GPR149: variants seen among roughly 807,000 people sequenced by gnomAD.
GPR149 encodes the protein G protein-coupled receptor 149.
GPR149 carries 50 observed loss-of-function variants against 50.2 expected under a neutral mutation model. The observed-to-expected ratio is 1.00, with a 90% CI of 0.79 to 1.26. GPR149 has a LOEUF of 1.26. Among genes scored for constraint, GPR149 ranks in the 50% most tolerant of loss-of-function variants. The pLI is 0.00. For missense variants in GPR149, 983 were observed against 895.4 expected (o/e 1.10, Z -1.25); for synonymous variants, 405 against 358.2 (o/e 1.13, Z -1.48).
rs539035564 is a variant in GPR149 at position 154,367,403 on chromosome 3, C to T, written c.1624-29132G>A. 2.5e-3 allele frequency among the ~76,000 whole-genome samples: 381 copies of T among 151,918 alleles called. 1 individual carries two copies. The highest frequency in any genetic ancestry group is 7.9e-3 in the South Asian group (38 of 4,794). ...CTGTGATCAGCAGACCTTATCTATG[C>T]TTCCAATTCCAATTCCTTGTAAACA... On this transcript the variant is annotated intron_variant, in intron 3 of 3. Transcript: ENST00000389740.
chr3:154,402,415 C>CAAATAAATAAATAAATAAATAAAT (rs34746134), intron 3 of GPR149, among the ~76,000 whole-genome samples: 72 of 140,892 alleles, frequency 5.1e-4, no homozygotes, highest in East Asian at 1.1e-3. Flanking sequence ...GACCCTGTCT[C>CAAATAAATAAATAAATAAATAAAT]AAATAAATAA....
At chr3:154,348,464 T>A (rs1366429590) in intron 3 of GPR149, among the ~76,000 whole-genome samples, 1 of 152,196 alleles carries the variant, frequency 6.6e-6, no homozygotes, top group African/African-American at 2.4e-5. Context: ...TATAGTGATA[T>A]CACATAAAAT....
chr3:154,368,747 T>A (rs560380294), intron 3 of GPR149, among the ~76,000 whole-genome samples: 73 of 152,346 alleles, frequency 4.8e-4, no homozygotes, highest in African/African-American at 1.7e-3. Context: ...CTCTCAGCCC[T>A]GGCCTAGAAG....
chr3:154,423,143 G>T (rs1480436979), intron 2 of GPR149, among the ~76,000 whole-genome samples: 2 of 151,802 alleles, frequency 1.3e-5, no homozygotes, highest in African/African-American at 2.4e-5. Flanking sequence ...AAGGGACAAG[G>T]GGCAGTGTGA....
chr3:154,421,402 A>T lies in GPR149; in HGVS notation c.1260T>A (p.Asp420Glu). Residue 420 changes from aspartate to glutamate, a missense_variant, in exon 3 of 4, where the codon GAT (aspartate) becomes GAA (glutamate). By Grantham distance (45) the Asp-to-Glu change is conservative. Coordinates refer to ENST00000389740, the MANE Select transcript of GPR149 (RefSeq NM_001038705.3). ...TGTGATAGAATATGGAATTTTCATC[A>T]TCATCATAGTAATCTTCATGTGCTA... ...YKIAHEDYYD[D>E]DENSIFYHNL... 6.2e-7 allele frequency: 1 copy of T among 1,611,602 alleles called. No individual in the cohort carries two copies. The highest frequency in any genetic ancestry group is 8.5e-7 in the Non-Finnish European group (1 of 1,178,260).
intron 3 of GPR149, among the ~76,000 whole-genome samples, chr3:154,380,405 C>T (rs1714894936): frequency 6.6e-6 from 1 of 152,144 alleles, no homozygotes; most frequent in African/African-American, 2.4e-5. Context: ...CTCCTAATCC[C>T]CACTGTTGTC....
intron 3 of GPR149, among the ~76,000 whole-genome samples, chr3:154,343,735 G>A (rs1421933951): frequency 1.3e-5 from 2 of 152,084 alleles, no homozygotes; most frequent in East Asian, 1.9e-4. Context: ...TCAGCACTTT[G>A]GGAGACTGAA....
chr3:154,380,375 A>C (rs1254306527), intron 3 of GPR149, among the ~76,000 whole-genome samples: 1 of 152,128 alleles, frequency 6.6e-6, no homozygotes, highest in African/African-American at 2.4e-5. Flanking sequence ...TTTCTCTACT[A>C]TTTGAATTGA....
intron 2 of GPR149, among the ~76,000 whole-genome samples, chr3:154,424,460 T>C (rs545873132): frequency 6.6e-6 from 1 of 151,916 alleles, no homozygotes; most frequent in Admixed American, 6.6e-5. Flanking sequence ...CTTTATAATA[T>C]TGATTTATTT....
intron 3 of GPR149, among the ~76,000 whole-genome samples, chr3:154,371,340 C>A (rs933989856): frequency 2.3e-4 from 35 of 152,196 alleles, no homozygotes; most frequent in African/African-American, 8.2e-4. Flanking sequence ...AAGAACAATG[C>A]TTTCTCTCCT....
At chr3:154,355,300 A>T (rs1714192107) in intron 3 of GPR149, among the ~76,000 whole-genome samples, 1 of 152,236 alleles carries the variant, frequency 6.6e-6, no homozygotes, top group African/African-American at 2.4e-5. Context: ...TGCTGGGATT[A>T]TAGGTGTGAG....
intron 3 of GPR149, among the ~76,000 whole-genome samples, chr3:154,399,214 G>A (rs75914398): frequency 0.023 from 3,517 of 152,122 alleles, 60 homozygotes; most frequent in Middle Eastern, 0.044. Context: ...CCTATAGTAA[G>A]TACTTCTCCA....
chr3:154,361,792 C>A (rs1226640180), intron 3 of GPR149, among the ~76,000 whole-genome samples: 1 of 152,118 alleles, frequency 6.6e-6, no homozygotes, highest in Non-Finnish European at 1.5e-5. Context: ...CTGATTGAAC[C>A]TATTTGTTCT....
intron 3 of GPR149, among the ~76,000 whole-genome samples, chr3:154,355,917 T>C (rs1714211955): frequency 6.6e-6 from 1 of 152,232 alleles, no homozygotes; most frequent in Non-Finnish European, 1.5e-5. Context: ...TGTTAAAGTT[T>C]ACATTGATGA....
At chr3:154,343,090 C>T (rs1713838302) in intron 3 of GPR149, among the ~76,000 whole-genome samples, 1 of 152,112 alleles carries the variant, frequency 6.6e-6, no homozygotes, top group Admixed American at 6.6e-5. Context: ...AAAATAATTT[C>T]CATATATTGT....
At chr3:154,417,062 T>A (rs1371973365) in intron 3 of GPR149, among the ~76,000 whole-genome samples, 1 of 151,974 alleles carries the variant, frequency 6.6e-6, no homozygotes, top group Non-Finnish European at 1.5e-5. Context: ...CAGCCAATTA[T>A]TTTATAAGTC....
At chr3:154,407,296 T>C (rs1196798031) in intron 3 of GPR149, among the ~76,000 whole-genome samples, 1 of 151,874 alleles carries the variant, frequency 6.6e-6, no homozygotes, top group African/African-American at 2.4e-5. Context: ...AATGGAAAAA[T>C]GGAAATGCAA....
chr3:154,378,404 A>T (rs1314480877), intron 3 of GPR149, among the ~76,000 whole-genome samples: 2 of 152,078 alleles, frequency 1.3e-5, no homozygotes. Flanking sequence ...TATATAACAC[A>T]TTTTTAATCC....
chr3:154,343,024 A>T (rs1270410565), intron 3 of GPR149, among the ~76,000 whole-genome samples: 1 of 152,240 alleles, frequency 6.6e-6, no homozygotes, highest in African/African-American at 2.4e-5. Flanking sequence ...TGATACAGTT[A>T]TGTTCTGAAA....
Sources: gnomAD v4.1 joint callset for allele counts (sites outside exome capture counted in the v4.1 genomes callset) on GRCh38, gnomAD v4.1.1 for gene constraint, MANE v1.5 for transcripts, NCBI Gene and HGNC (gene_info 2026-07-23, HGNC 2026-07-21) for gene names.